The following ITGBL1 variants were observed in gnomAD, a reference collection of about 807,000 sequenced individuals.
The protein encoded by ITGBL1 is integrin subunit beta like 1.
A neutral mutation model predicts 68.5 loss-of-function variants in ITGBL1; 51 were observed. The ratio of observed to expected loss-of-function variants is 0.74; its 90% CI spans 0.59 to 0.94. The LOEUF (loss-of-function observed/expected upper bound fraction) is 0.94, where lower values mean the gene tolerates loss of function less well. Ranked by LOEUF, ITGBL1 falls within the 40% of genes least tolerant of loss-of-function variation. The pLI is 0.00. For synonymous variants in ITGBL1, 209 were observed against 227.3 expected, an observed-to-expected ratio of 0.92 and a Z score of 0.72; for missense variants, 649 against 647.4, an observed-to-expected ratio of 1.00 and a Z score of -0.03.
At chr13:101,566,548 G>T (rs559850847) in intron 2 of ITGBL1, among the ~76,000 whole-genome samples, 39 of 152,078 alleles carry the variant, frequency 2.6e-4, no homozygotes, top group Non-Finnish European at 4.7e-4. Flanking sequence ...TACATGGACT[G>T]GTCCACATAA....
intron 7 of ITGBL1, among the ~76,000 whole-genome samples, chr13:101,606,926 AAC>A (rs1285854235): frequency 6.6e-5 from 10 of 152,102 alleles, no homozygotes; most frequent in Admixed American, 4.6e-4. Flanking sequence ...AAGATAAACA[AAC>A]ACAGCAAAAA....
At chr13:101,643,488 T>A (rs1594950130) in intron 7 of ITGBL1, among the ~76,000 whole-genome samples, 1 of 152,178 alleles carries the variant, frequency 6.6e-6, no homozygotes, top group Non-Finnish European at 1.5e-5. Flanking sequence ...GTTTTCTAGA[T>A]ATACAGTCAT....
At chr13:101,663,325 A>G (rs2139483292) in intron 7 of ITGBL1, among the ~76,000 whole-genome samples, 1 of 152,304 alleles carries the variant, frequency 6.6e-6, no homozygotes, top group Non-Finnish European at 1.5e-5. Context: ...GTGTAGCTTT[A>G]TGAATCTCTA....
intron 2 of ITGBL1, among the ~76,000 whole-genome samples, chr13:101,484,660 A>T (rs563107337): frequency 3.5e-4 from 53 of 152,112 alleles, no homozygotes; most frequent in Admixed American, 9.2e-4. Flanking sequence ...TAGCGGGGGA[A>T]GTCTGGGTTT....
intron 8 of ITGBL1, among the ~76,000 whole-genome samples, chr13:101,694,328 A>G (rs2033953373): frequency 1.3e-5 from 2 of 152,174 alleles, no homozygotes. Flanking sequence ...GTATGTATAT[A>G]TACGTATTCA....
intron 7 of ITGBL1, among the ~76,000 whole-genome samples, chr13:101,606,156 T>C (rs2030840365): frequency 1.6e-5 from 2 of 124,644 alleles, no homozygotes; most frequent in African/African-American, 3.1e-5. Context: ...TATACTTCAG[T>C]ATATTCTATT....
chr13:101,650,571 G>A (rs576415480), intron 7 of ITGBL1, among the ~76,000 whole-genome samples: 1 of 151,134 alleles, frequency 6.6e-6, no homozygotes, highest in Non-Finnish European at 1.5e-5. Flanking sequence ...TACAAAAATT[G>A]GATCAAGTTC....
At chr13:101,519,016 T>A (rs1361028639) in intron 2 of ITGBL1, among the ~76,000 whole-genome samples, 1 of 152,182 alleles carries the variant, frequency 6.6e-6, no homozygotes, top group Non-Finnish European at 1.5e-5. Context: ...TAAAGACAGA[T>A]ACATGCACAC....
intron 2 of ITGBL1, among the ~76,000 whole-genome samples, chr13:101,468,905 T>C (rs1450622784): frequency 1.3e-5 from 2 of 152,206 alleles, no homozygotes; most frequent in East Asian, 3.8e-4. Context: ...AGAAGGATCC[T>C]CCTGAGTCAG....
At chr13:101,505,154 A>C (rs1364139848) in intron 2 of ITGBL1, among the ~76,000 whole-genome samples, 28 of 152,212 alleles carry the variant, frequency 1.8e-4, no homozygotes, top group Non-Finnish European at 2.9e-5. Context: ...CACACAATGA[A>C]AATGTATTTG....
At chr13:101,628,031 A>G (rs762461200) in intron 7 of ITGBL1, among the ~76,000 whole-genome samples, 1 of 151,806 alleles carries the variant, frequency 6.6e-6, no homozygotes, top group Non-Finnish European at 1.5e-5. Context: ...ACTGTCTTCC[A>G]AAGAGGCTGT....
chr13:101,453,018 G>C (rs2048186016), intron 1 of ITGBL1, 87 bp downstream of exon 1: 1 of 1,065,398 alleles, frequency 9.4e-7, no homozygotes, highest in Admixed American at 1.8e-5. Flanking sequence ...CCTAAGCCAA[G>C]AGCTGTTATT....
At chr13:101,695,120 A>G (rs1242460925) in intron 8 of ITGBL1, among the ~76,000 whole-genome samples, 1 of 152,156 alleles carries the variant, frequency 6.6e-6, no homozygotes, top group Non-Finnish European at 1.5e-5. Context: ...CATAACGGGG[A>G]TTTAACATAG....
chr13:101,563,530 G>T (rs1208539851), intron 2 of ITGBL1, among the ~76,000 whole-genome samples: 1 of 151,844 alleles, frequency 6.6e-6, no homozygotes, highest in Non-Finnish European at 1.5e-5. Context: ...GTCTATGCCT[G>T]TTAAGTTCAG....
chr13:101,580,200 T>C (rs2139282519), intron 5 of ITGBL1, among the ~76,000 whole-genome samples: 1 of 152,240 alleles, frequency 6.6e-6, no homozygotes, highest in East Asian at 1.9e-4. Flanking sequence ...AAAATCTAGA[T>C]AGCTGGAAAA....
intron 2 of ITGBL1, among the ~76,000 whole-genome samples, chr13:101,491,383 A>G (rs1430664363): frequency 1.3e-5 from 2 of 152,170 alleles, no homozygotes; most frequent in East Asian, 1.9e-4. Context: ...ATTTTTTATC[A>G]TTATGAGCAA....
intron 3 of ITGBL1, among the ~76,000 whole-genome samples, chr13:101,569,107 T>C (rs2050231114): frequency 7.8e-6 from 1 of 128,762 alleles, no homozygotes; most frequent in African/African-American, 2.9e-5. Context: ...CACCCCTCCA[T>C]ACACACACAC....
intron 2 of ITGBL1, among the ~76,000 whole-genome samples, chr13:101,505,193 C>T (rs925984613): frequency 3.3e-5 from 5 of 152,144 alleles, no homozygotes; most frequent in Admixed American, 6.5e-5. Context: ...TTAGATGGAT[C>T]GTCAGTGGCA....
intron 7 of ITGBL1, among the ~76,000 whole-genome samples, chr13:101,677,317 G>C (rs2033529526): frequency 6.6e-6 from 1 of 151,450 alleles, no homozygotes; most frequent in Non-Finnish European, 1.5e-5. Flanking sequence ...ATTTGTGAAA[G>C]GCTTTTACTC....
Sources: allele counts gnomAD v4.1 joint callset (sites outside exome capture counted in the v4.1 genomes callset), GRCh38; gene constraint gnomAD v4.1.1; transcripts MANE v1.5; gene names NCBI Gene and HGNC (gene_info 2026-07-23, HGNC 2026-07-21).